HMGB1: variants seen among roughly 807,000 people sequenced by gnomAD.
HMGB1 encodes the protein high mobility group protein B1.
For missense variants in HMGB1, 79 were observed against 253.5 expected (o/e 0.31, Z 4.67); for synonymous variants, 81 against 84.0 (o/e 0.96, Z 0.19).
intron 1 of HMGB1, among the ~76,000 whole-genome samples, chr13:30,593,453 C>T (rs544411050): frequency 3.3e-5 from 5 of 152,212 alleles, no homozygotes; most frequent in African/African-American, 1.2e-4. Context: ...TTTGGGGAGC[C>T]CGAGTTCATG....
chr13:30,606,530 G>C (rs1240308039), intron 1 of HMGB1, among the ~76,000 whole-genome samples: 1 of 152,154 alleles, frequency 6.6e-6, no homozygotes, highest in Non-Finnish European at 1.5e-5. Context: ...TTTCTTCCCT[G>C]ATTAGCAAAA....
At chr13:30,523,755 G>GGC (rs56723237) in intron 1 of HMGB1, among the ~76,000 whole-genome samples, 17 of 147,410 alleles carry the variant, frequency 1.2e-4, no homozygotes, top group African/African-American at 3.5e-4. Flanking sequence ...TTTTTTGTTT[G>GGC]TTTGAGATGG....
intron 1 of HMGB1, among the ~76,000 whole-genome samples, chr13:30,580,461 T>A (rs1870850746): frequency 6.6e-6 from 1 of 152,240 alleles, no homozygotes; most frequent in African/African-American, 2.4e-5. Context: ...AGCTATGGCT[T>A]GTTTTATTTA....
intron 1 of HMGB1, among the ~76,000 whole-genome samples, chr13:30,590,919 C>T (rs1871339648): frequency 6.6e-6 from 1 of 151,866 alleles, no homozygotes; most frequent in Non-Finnish European, 1.5e-5. Flanking sequence ...CAATAAATAT[C>T]TGCTGTTTAT....
At chr13:30,499,223 G>A (rs1048129187) in intron 1 of HMGB1, among the ~76,000 whole-genome samples, 2 of 152,146 alleles carry the variant, frequency 1.3e-5, no homozygotes, top group Admixed American at 6.5e-5. Context: ...AACCTGCTGG[G>A]ATTGGCTCAC....
chr13:30,482,418 A>G (rs1887252463), intron 1 of HMGB1, among the ~76,000 whole-genome samples: 1 of 152,236 alleles, frequency 6.6e-6, no homozygotes, highest in Non-Finnish European at 1.5e-5. Context: ...TGGTGGGGCC[A>G]GGAGGGGGCA....
At chr13:30,464,276 G>GT in intron 1 of HMGB1, 2 of 985,566 alleles carry the variant, frequency 2.0e-6, no homozygotes, top group Non-Finnish European at 2.4e-6. Flanking sequence ...GCCACCGCGA[G>GT]GCAGCCTCGT....
intron 1 of HMGB1, among the ~76,000 whole-genome samples, chr13:30,521,787 A>C (rs1888244095): frequency 6.6e-6 from 1 of 152,232 alleles, no homozygotes; most frequent in South Asian, 2.1e-4. Flanking sequence ...TTTGAAGAAC[A>C]GCCACCTTGT....
chr13:30,466,479 C>A (rs1886790382), upstream of HMGB1, among the ~76,000 whole-genome samples: 1 of 152,168 alleles, frequency 6.6e-6, no homozygotes, highest in African/African-American at 2.4e-5. Flanking sequence ...TCTCTGATTG[C>A]GTTACACTTT....
At chr13:30,524,211 A>G (rs2137478013) in intron 1 of HMGB1, among the ~76,000 whole-genome samples, 1 of 152,112 alleles carries the variant, frequency 6.6e-6, no homozygotes, top group South Asian at 2.1e-4. Flanking sequence ...AAGGGGAGGG[A>G]GAGCATTAGG....
chr13:30,592,393 G>A (rs1871408713), intron 1 of HMGB1, among the ~76,000 whole-genome samples: 1 of 152,016 alleles, frequency 6.6e-6, no homozygotes. Context: ...AAAATTACCA[G>A]TCTTCCCAGG....
In HMGB1 at chr13:30,475,818, T is replaced by C. The variant is rs144340253; in HGVS notation, c.-14-12124A>G. On this transcript the variant is annotated intron_variant, in intron 1 of 4. Transcript: ENST00000405805. ...ATAAGGTTGGGTTCACATTTCCACA[T>C]GGGGAGGATGGTTGGAATGAAGAGT... Among the ~76,000 whole-genome samples the C allele has an allele frequency of 3.6e-3, 545 of 152,284 alleles. 2 individuals are homozygous for C. The highest frequency in any genetic ancestry group is 0.013 in the African/African-American group (522 of 41,562).
intron 1 of HMGB1, among the ~76,000 whole-genome samples, chr13:30,473,219 C>T (rs1886987857): frequency 6.6e-6 from 1 of 152,170 alleles, no homozygotes; most frequent in African/African-American, 2.4e-5. Flanking sequence ...GGGGGGAAAT[C>T]AGCAGCTTCT....
At chr13:30,574,323 C>G (rs1593320673) in intron 1 of HMGB1, among the ~76,000 whole-genome samples, 1 of 152,176 alleles carries the variant, frequency 6.6e-6, no homozygotes, top group Non-Finnish European at 1.5e-5. Flanking sequence ...GTTTGAAGTT[C>G]TTTTGCCTCT....
chr13:30,490,623 A>G (rs200483501), intron 1 of HMGB1, among the ~76,000 whole-genome samples: 1 of 88,682 alleles, frequency 1.1e-5, no homozygotes, highest in African/African-American at 5.5e-5. Context: ...TCTGAACAGA[A>G]AAAAAAAAAA....
intron 1 of HMGB1, among the ~76,000 whole-genome samples, chr13:30,591,953 G>C (rs939414458): frequency 1.5e-4 from 23 of 152,046 alleles, no homozygotes; most frequent in Non-Finnish European, 2.8e-4. Flanking sequence ...TAATCTGAAA[G>C]ACCAGTTATA....
chr13:30,593,085 C>T (rs935349269), intron 1 of HMGB1, among the ~76,000 whole-genome samples: 1 of 152,110 alleles, frequency 6.6e-6, no homozygotes, highest in Non-Finnish European at 1.5e-5. Context: ...ATTTTTAATG[C>T]AAGAGAATAG....
At chr13:30,604,184 C>T (rs1950431423) in intron 1 of HMGB1, among the ~76,000 whole-genome samples, 1 of 151,942 alleles carries the variant, frequency 6.6e-6, no homozygotes, top group Admixed American at 6.6e-5. Flanking sequence ...GTAAATTGGT[C>T]AGGAAGGGAT....
At chr13:30,557,245 C>A (rs528950712) in intron 1 of HMGB1, among the ~76,000 whole-genome samples, 1 of 152,046 alleles carries the variant, frequency 6.6e-6, no homozygotes, top group African/African-American at 2.4e-5. Context: ...TTAAGGGTAT[C>A]TTTTTCCATG....
Sources: gnomAD v4.1 joint callset for allele counts (sites outside exome capture counted in the v4.1 genomes callset) on GRCh38, gnomAD v4.1.1 for gene constraint, MANE v1.5 for transcripts, NCBI Gene and HGNC (gene_info 2026-07-23, HGNC 2026-07-21) for gene names.